BBOX1: variants seen among roughly 807,000 people sequenced by gnomAD.
The protein encoded by BBOX1 is gamma-butyrobetaine hydroxylase 1.
Under a neutral mutation model 41.6 loss-of-function variants are expected in BBOX1, and 35 were observed. The observed-to-expected ratio is 0.84, with a 90% CI of 0.64 to 1.11. BBOX1 has a LOEUF of 1.11. Ranked by LOEUF, BBOX1 falls within the 50% of genes most tolerant of loss-of-function variation. The pLI is 0.00. For missense variants in BBOX1, 458 were observed against 460.6 expected, an observed-to-expected ratio of 0.99 and a Z score of 0.05; for synonymous variants, 163 against 154.7, an observed-to-expected ratio of 1.05 and a Z score of -0.40.
At chr11:27,109,571 C>A (rs1858983298) in intron 5 of BBOX1, among the ~76,000 whole-genome samples, 2 of 151,664 alleles carry the variant, frequency 1.3e-5, no homozygotes, top group Admixed American at 1.3e-4. Context: ...AAAAAAGAAA[C>A]CAGAAAAAAA....
intron 4 of BBOX1, among the ~76,000 whole-genome samples, chr11:27,074,438 T>G (rs924698266): frequency 1.3e-5 from 2 of 152,024 alleles, no homozygotes; most frequent in Non-Finnish European, 2.9e-5. Flanking sequence ...TAGAGGCTTG[T>G]TGAATGGTTT....
chr11:27,120,207 T>G (rs1859414901), intron 7 of BBOX1, among the ~76,000 whole-genome samples: 1 of 152,154 alleles, frequency 6.6e-6, no homozygotes, highest in Non-Finnish European at 1.5e-5. Flanking sequence ...TGTCATGTGA[T>G]ATTGGTCTCT....
chr11:27,092,490 C>G (rs1858282769), intron 4 of BBOX1, among the ~76,000 whole-genome samples: 1 of 151,944 alleles, frequency 6.6e-6, no homozygotes, highest in Non-Finnish European at 1.5e-5. Context: ...ATTTTTCTTT[C>G]TGTTTTCTCA....
chr11:27,103,035 A>G (rs1311324117), intron 5 of BBOX1, among the ~76,000 whole-genome samples: 1 of 151,986 alleles, frequency 6.6e-6, no homozygotes, highest in African/African-American at 2.4e-5. Flanking sequence ...CTAAAAATAC[A>G]AAAAAATAGC....
intron 5 of BBOX1, among the ~76,000 whole-genome samples, chr11:27,093,937 T>C (rs893396503): frequency 2.2e-4 from 33 of 152,086 alleles, no homozygotes; most frequent in African/African-American, 7.7e-4. Flanking sequence ...CATAATTTAT[T>C]CCGTAACAGG....
Position 27,055,610 on chromosome 11 carries a change from GA to G in BBOX1, c.182del (p.Asn61ThrfsTer7). On this transcript the variant is annotated frameshift_variant, in exon 3 of 9. Coordinates refer to ENST00000263182, the MANE Select transcript of BBOX1 (RefSeq NM_003986.3). LOFTEE classifies it high-confidence loss of function. ...RKLLVEALDV[N>X]IGIKGLIFDR... ...AACTTCTAGTGGAAGCTCTTGATGT[GA>G]ACATTGGAATTAAAGGCTTGATATT... 1 of 1,613,916 alleles carries G rather than the reference GA, an allele frequency of 6.2e-7. No homozygotes were observed. The highest frequency in any genetic ancestry group is 8.5e-7 in the Non-Finnish European group (1 of 1,179,916).
intron 4 of BBOX1, among the ~76,000 whole-genome samples, chr11:27,078,554 A>T (rs1857715788): frequency 6.6e-6 from 1 of 152,180 alleles, no homozygotes; most frequent in East Asian, 1.9e-4. Context: ...GCTGGAAACC[A>T]TCATTCTCAG....
chr11:27,054,839 C>T (rs183017911), intron 2 of BBOX1, among the ~76,000 whole-genome samples: 13 of 152,196 alleles, frequency 8.5e-5, no homozygotes, highest in East Asian at 5.8e-4. Context: ...ACAGAAACAG[C>T]GCAATATTCT....
rs773431968 is a variant in BBOX1, at chr11:27,093,245, T to A, written c.412T>A (p.Tyr138Asn). The A allele has an allele frequency of 1.2e-5, 20 of 1,612,476 alleles. No individual in the cohort carries two copies. Among genetic ancestry groups the A allele is most frequent in the Non-Finnish European group, 1.7e-5 (20 of 1,179,016 alleles). Reference sequence around the variant, plus strand: ...TGTTTTAAGATATGATGAACACGCATACAAGTGGCTCTCCACCCTCAAGAA... The same window carrying A: ...TGTTTTAAGATATGATGAACACGCAAACAAGTGGCTCTCCACCCTCAAGAA... The part of the protein sequence containing the change: ...EDVLRYDEHA[Y>N]KWLSTLKKVG... The change falls in exon 5 of 9, where the codon TAC becomes AAC. Residue 138 changes from tyrosine to asparagine, a missense_variant. Physicochemically the swap from Tyr to Asn is moderately radical, Grantham distance 143 (BLOSUM62 -2). Coordinates refer to ENST00000263182, the MANE Select transcript of BBOX1 (RefSeq NM_003986.3).
intron 6 of BBOX1, among the ~76,000 whole-genome samples, chr11:27,117,846 AG>A (rs1859323007): frequency 6.6e-6 from 1 of 152,008 alleles, no homozygotes; most frequent in Admixed American, 6.6e-5. Flanking sequence ...AAGGTAGACA[AG>A]ATTGATCATG....
chr11:27,096,074 G>C (rs1446817375), intron 5 of BBOX1, among the ~76,000 whole-genome samples: 2 of 151,946 alleles, frequency 1.3e-5, no homozygotes, highest in East Asian at 3.9e-4. Context: ...CTCATGTGCA[G>C]CCAAGGTTGA....
chr11:27,124,198 C>T (rs1401181297), intron 7 of BBOX1, among the ~76,000 whole-genome samples: 3 of 152,130 alleles, frequency 2.0e-5, no homozygotes, highest in Non-Finnish European at 4.4e-5. Context: ...TTGGTCTGAC[C>T]GACCAAGCCT....
chr11:27,125,629 T>C, intron 7 of BBOX1, 25 bp from the exon 8 acceptor site: 1 of 1,462,098 alleles, frequency 6.8e-7, no homozygotes, highest in Non-Finnish European at 9.1e-7. Context: ...GAATTATATA[T>C]TAATTTTTTC....
intron 4 of BBOX1, among the ~76,000 whole-genome samples, chr11:27,062,683 G>A (rs959559795): frequency 2.6e-5 from 4 of 151,544 alleles, no homozygotes; most frequent in African/African-American, 4.9e-5. Context: ...TCAGCCTCCC[G>A]AGTAGCTACA....
At chr11:27,087,200 G>A (rs1858074556) in intron 4 of BBOX1, among the ~76,000 whole-genome samples, 1 of 152,052 alleles carries the variant, frequency 6.6e-6, no homozygotes, top group African/African-American at 2.4e-5. Flanking sequence ...TTTGAAAGAA[G>A]TTCCACTGTG....
chr11:27,070,736 T>C (rs1438391338), intron 4 of BBOX1, among the ~76,000 whole-genome samples: 2 of 148,338 alleles, frequency 1.3e-5, no homozygotes, highest in Non-Finnish European at 1.5e-5. Context: ...TGGTCCATTC[T>C]GCCAATCTGT....
In BBOX1 at chr11:27,093,221, G is replaced by A. The variant is rs778598701; in HGVS notation, c.388G>A (p.Val130Ile). The A allele has an allele frequency of 6.2e-7, 1 of 1,612,436 alleles. No individual in the cohort carries two copies. Among genetic ancestry groups the A allele is most frequent in the South Asian group, 1.1e-5 (1 of 91,040 alleles). ...LQLPTLDFEDVLRYDEHAYKW... is the reference protein window; with the variant it reads ...LQLPTLDFEDILRYDEHAYKW... ...GCTACCCACTTTGGATTTTGAAGAT[G>A]TTTTAAGATATGATGAACACGCATA... Residue 130 changes from valine (V) to isoleucine (I), a missense_variant, in exon 5 of 9, where the codon GTT becomes ATT. Val to Ile is a conservative substitution (Grantham distance 29). Transcript: ENST00000263182.
chr11:27,109,671 G>A (rs1443310288), intron 5 of BBOX1, among the ~76,000 whole-genome samples: 1 of 152,040 alleles, frequency 6.6e-6, no homozygotes, highest in Non-Finnish European at 1.5e-5. Flanking sequence ...AATTGCATTG[G>A]GTCTTTGAAT....
chr11:27,121,816 A>T (rs893708203), intron 7 of BBOX1, among the ~76,000 whole-genome samples: 1 of 152,158 alleles, frequency 6.6e-6, no homozygotes, highest in Admixed American at 6.5e-5. Flanking sequence ...TTTTGTTAAG[A>T]CACAATACGA....
Sources: gnomAD v4.1 joint callset for allele counts (sites outside exome capture counted in the v4.1 genomes callset) on GRCh38, gnomAD v4.1.1 for gene constraint, MANE v1.5 for transcripts, NCBI Gene and HGNC (gene_info 2026-07-23, HGNC 2026-07-21) for gene names.